Variants in VGLL4 observed in about 807,000 individuals in gnomAD.
VGLL4 encodes transcription cofactor vestigial-like protein 4.
In VGLL4, 7 loss-of-function variants were observed where a neutral mutation model predicts 21.0. The observed-to-expected ratio is 0.33, with a 90% confidence interval of 0.19 to 0.63. VGLL4 has a LOEUF of 0.63. Among genes scored for constraint, VGLL4 ranks in the 20% least tolerant of loss-of-function variants. The probability of loss-of-function intolerance (pLI) is 0.78; values close to 1 mark genes in which losing one functional copy is unlikely to be tolerated. For missense variants in VGLL4, 394 were observed against 425.7 expected (o/e 0.93, Z 0.66); for synonymous variants, 222 against 173.2 (o/e 1.28, Z -2.21).
intron 2 of VGLL4, among the ~76,000 whole-genome samples, chr3:11,697,332 C>T (rs2076619769): frequency 6.6e-6 from 1 of 151,196 alleles, no homozygotes; most frequent in South Asian, 2.1e-4. Context: ...GTCTCAAACT[C>T]CTGGGCTCAA....
chr3:11,670,866 C>T (rs900425147), intron 2 of VGLL4, among the ~76,000 whole-genome samples: 11 of 152,102 alleles, frequency 7.2e-5, no homozygotes, highest in Admixed American at 6.5e-5. Flanking sequence ...GATGAAACCC[C>T]ACCTCTACTA....
upstream of VGLL4, among the ~76,000 whole-genome samples, chr3:11,644,880 G>A (rs1363552142): frequency 6.6e-6 from 1 of 150,698 alleles, no homozygotes; most frequent in East Asian, 1.9e-4. Flanking sequence ...AAAAAAAGGA[G>A]ACAAGGAGAG....
intron 2 of VGLL4, among the ~76,000 whole-genome samples, chr3:11,578,394 G>A (rs2074118433): frequency 6.6e-6 from 1 of 152,126 alleles, no homozygotes; most frequent in South Asian, 2.1e-4. Context: ...ACCGGAGCAT[G>A]GTCACAACTG....
intron 1 of VGLL4, among the ~76,000 whole-genome samples, chr3:11,642,235 T>C (rs2075706876): frequency 6.6e-6 from 1 of 152,048 alleles, no homozygotes; most frequent in Admixed American, 6.5e-5. Context: ...GAAAAACAAA[T>C]ACTCTTTTTA....
At position 11,583,645 on chromosome 3, in the gene VGLL4, C is replaced by T. The variant is rs939300834; in HGVS notation, c.272+18188G>A. Among the ~76,000 whole-genome samples, 4 of 152,098 alleles carry T rather than the reference C, an allele frequency of 2.6e-5. No homozygotes were observed. The East Asian group carries it at 7.7e-4, about 29-fold the overall frequency. On this transcript the variant is annotated intron_variant, in intron 2 of 4. Coordinates refer to ENST00000430365, the MANE Select transcript of VGLL4 (RefSeq NM_001128219.3). Reference sequence around the variant, plus strand: ...AAAGAGGACAAAAAAAGAAGACAACCCGGGAAGGAGTGGGCTGCAATCCCA... The same window carrying T: ...AAAGAGGACAAAAAAAGAAGACAACTCGGGAAGGAGTGGGCTGCAATCCCA...
rs34222383 is a variant in VGLL4 at position 11,707,327 on chromosome 3, C to CAAAA, written c.-13-4284_-13-4281dup. 1.9e-4 allele frequency among the ~76,000 whole-genome samples: 8 copies of CAAAA among 43,052 alleles called. No individual in the cohort carries two copies. The East Asian group carries it at 2.3e-3, about 12-fold the overall frequency. 28.2% of individuals were successfully genotyped at this position (43,052 alleles called of 152,430 possible). A position where few individuals can be genotyped will look rare whatever the true frequency, so the allele number is the denominator to read the frequency against. On this transcript the variant is annotated intron_variant, in intron 1 of 5. Transcript: ENST00000273038. ...TGGGCAACAGAGCCAGACCCTGCCT[C>CAAAA]AAAAAAAAAAAAAAAAAAAAAAAAA...
At chr3:11,588,816 T>G (rs754529340) in intron 2 of VGLL4, among the ~76,000 whole-genome samples, 1 of 152,184 alleles carries the variant, frequency 6.6e-6, no homozygotes, top group African/African-American at 2.4e-5. Context: ...AGTGAGGCGG[T>G]GCTGAATTTA....
At chr3:11,624,229 G>A (rs977401237) in intron 1 of VGLL4, among the ~76,000 whole-genome samples, 9 of 152,246 alleles carry the variant, frequency 5.9e-5, no homozygotes, top group East Asian at 1.9e-4. Flanking sequence ...TCATTTTAGC[G>A]TGCCCCAAGA....
intron 1 of VGLL4, among the ~76,000 whole-genome samples, chr3:11,716,206 G>C (rs1379611569): frequency 6.6e-6 from 1 of 151,496 alleles, no homozygotes; most frequent in Non-Finnish European, 1.5e-5. Flanking sequence ...GGAGGCTGAG[G>C]CAGGAGAATC....
chr3:11,704,383 C>CAAAAAAAAAAAAAAAAAAAAAAAAAAAA (rs57593843), intron 1 of VGLL4, among the ~76,000 whole-genome samples: 2 of 69,152 alleles, frequency 2.9e-5, no homozygotes, highest in African/African-American at 9.8e-5. Flanking sequence ...AACTCCGTCT[C>CAAAAAAAAAAAAAAAAAAAAAAAAAAAA]AAAAAAAAAA....
upstream of VGLL4, among the ~76,000 whole-genome samples, chr3:11,645,392 C>G (rs1485999299): frequency 6.7e-6 from 1 of 148,538 alleles, no homozygotes; most frequent in Non-Finnish European, 1.5e-5. Flanking sequence ...AGATCGAGAC[C>G]ATCCTGGCTA....
chr3:11,665,947 G>A lies in VGLL4; in HGVS notation c.64+37024C>T, dbSNP rs556201139. On this transcript the variant is annotated intron_variant, in intron 2 of 5. Transcript: ENST00000273038. Reference sequence around the variant, plus strand: ...GACAGGAAGGGAGGACACAATCCCCGAGGATTAGAAAGTTCATTCTGGGCC... The same window carrying A: ...GACAGGAAGGGAGGACACAATCCCCAAGGATTAGAAAGTTCATTCTGGGCC... Among the ~76,000 whole-genome samples, 26 of 152,306 alleles carry A rather than the reference G, an allele frequency of 1.7e-4. No homozygotes were observed. The East Asian group carries it at 2.9e-3, about 17-fold the overall frequency.
intron 2 of VGLL4, chr3:11,702,818 G>A: frequency 2.2e-6 from 1 of 446,370 alleles, no homozygotes; most frequent in Non-Finnish European, 3.8e-6. Context: ...AAATACAAAT[G>A]AGGATGTGAA....
intron 1 of VGLL4, among the ~76,000 whole-genome samples, chr3:11,716,302 C>CAAAAA (rs554449676): frequency 1.6e-5 from 1 of 61,012 alleles, no homozygotes; most frequent in African/African-American, 4.3e-5. Flanking sequence ...AACTCTGTCT[C>CAAAAA]AAAAAAAAAA....
intron 2 of VGLL4, among the ~76,000 whole-genome samples, chr3:11,599,007 A>G (rs17776719): frequency 0.13 from 20,297 of 152,238 alleles, 1,788 homozygotes; most frequent in South Asian, 0.23. Flanking sequence ...GGCATTAAAT[A>G]TAAAGGAGGG....
chr3:11,630,187 C>T (rs1008351255), intron 1 of VGLL4, among the ~76,000 whole-genome samples: 5 of 152,076 alleles, frequency 3.3e-5, no homozygotes, highest in African/African-American at 1.2e-4. Flanking sequence ...GCCAAAAGTA[C>T]GGAATATATC....
intron 2 of VGLL4, among the ~76,000 whole-genome samples, chr3:11,697,608 C>A (rs199812340): frequency 1.4e-5 from 1 of 73,408 alleles, no homozygotes; most frequent in Non-Finnish European, 2.9e-5. Flanking sequence ...GGAAAGAAAT[C>A]ATAAGAGAAA....
upstream of VGLL4, chr3:11,643,975 T>G: frequency 1.0e-6 from 1 of 990,838 alleles, no homozygotes; most frequent in South Asian, 4.6e-5. Flanking sequence ...GCATGCTCAC[T>G]GCGCCGCGCT....
In VGLL4 at chr3:11,564,952, C is replaced by T. The variant is rs145391722; in HGVS notation, c.340G>A (p.Ala114Thr). The T allele has an allele frequency of 2.3e-5, 36 of 1,568,082 alleles. No homozygotes were observed. The highest frequency in any genetic ancestry group is 2.9e-5 in the Non-Finnish European group (34 of 1,157,426). ...TGCAGGCTCATGGTGGGGGCCACAG[C>T]GCGCTCGATGGGGCTGCGGCTCCGC... ...RERSRSPIER[A>T]VAPTMSLHGS... The change falls in exon 3 of 5, where the codon GCT (alanine) becomes ACT (threonine). Residue 114 changes from alanine to threonine, a missense_variant. Coordinates refer to ENST00000430365, the MANE Select transcript of VGLL4 (RefSeq NM_001128219.3).
Sources: allele counts gnomAD v4.1 joint callset (sites outside exome capture counted in the v4.1 genomes callset), GRCh38; gene constraint gnomAD v4.1.1; transcripts MANE v1.5; gene names NCBI Gene and HGNC (gene_info 2026-07-23, HGNC 2026-07-21).